CD109: variants seen among roughly 807,000 people sequenced by gnomAD.
The protein encoded by CD109 is CD109 antigen.
A neutral mutation model predicts 165.8 loss-of-function variants in CD109; 149 were observed. The observed-to-expected ratio is 0.90, with a 90% CI of 0.79 to 1.03. The LOEUF (loss-of-function observed/expected upper bound fraction) is 1.03, where lower values mean the gene tolerates loss of function less well. CD109 is among the 50% of genes least tolerant of loss of function. CD109 has a pLI of 0.00. For missense variants in CD109, 1,712 were observed against 1,677.8 expected (o/e 1.02, Z -0.36); for synonymous variants, 585 against 592.1 (o/e 0.99, Z 0.18).
rs538237663 is a variant in CD109, at chr6:73,715,952, C to T, written c.248-7299C>T. 2.0e-5 allele frequency among the ~76,000 whole-genome samples: 3 copies of T among 152,246 alleles called. No individual in the cohort carries two copies. In the South Asian group the frequency reaches 6.2e-4, roughly 32 times the overall value. On this transcript the variant is annotated intron_variant, in intron 2 of 32. Transcript: ENST00000287097. ...ACTCTCCCTAGCCTCTGGTAACCAT[C>T]CTTCTACACTCTTATCTCCATTATT...
chr6:73,814,935 G>A (rs772950847), intron 29 of CD109, 46 bp from the exon 30 acceptor site: 1 of 1,402,144 alleles, frequency 7.1e-7, no homozygotes, highest in Non-Finnish European at 9.4e-7. Flanking sequence ...CAAAATGATG[G>A]AAATTTATGT....
At chr6:73,757,189 A>G (rs920301065) in intron 6 of CD109, among the ~76,000 whole-genome samples, 2 of 152,208 alleles carry the variant, frequency 1.3e-5, no homozygotes, top group Non-Finnish European at 2.9e-5. Flanking sequence ...GGATCTTAGT[A>G]TTAGTTATAA....
At chr6:73,787,131 T>C in intron 20 of CD109, 103 bp from the exon 21 acceptor site, 1 of 694,806 alleles carries the variant, frequency 1.4e-6, no homozygotes, top group South Asian at 1.9e-5. Flanking sequence ...TTTTCGCTAG[T>C]CTTGAGCCTC....
At chr6:73,779,453 T>C (rs1192626827) in intron 15 of CD109, among the ~76,000 whole-genome samples, 2 of 152,126 alleles carry the variant, frequency 1.3e-5, no homozygotes, top group Non-Finnish European at 2.9e-5. Context: ...TTTCACTATG[T>C]TGGCCAGGCT....
At chr6:73,684,865 T>A in the CD109 span, among the ~76,000 whole-genome samples, 1 of 151,986 alleles carries the variant, frequency 6.6e-6, no homozygotes, top group South Asian at 2.1e-4. Context: ...TTATTTTTGG[T>A]ACAGACAAAA....
intron 2 of CD109, among the ~76,000 whole-genome samples, chr6:73,708,528 T>G (rs1017422186): frequency 1.3e-5 from 2 of 152,252 alleles, no homozygotes; most frequent in African/African-American, 2.4e-5. Flanking sequence ...ATGGGATGGC[T>G]GGGTCAAATG....
At chr6:73,777,177 T>C (rs9442960) in intron 15 of CD109, among the ~76,000 whole-genome samples, 58,946 of 151,514 alleles carry the variant, frequency 0.39, 11,778 homozygotes, top group African/African-American at 0.47. Flanking sequence ...AGCCTGGTCT[T>C]GAAAACTCTT....
At chr6:73,773,431 TTTTA>T (rs1301752740) in intron 15 of CD109, among the ~76,000 whole-genome samples, 3 of 152,102 alleles carry the variant, frequency 2.0e-5, no homozygotes, top group Admixed American at 2.0e-4. Context: ...TTTAATAAGC[TTTTA>T]TTTAATCCAC....
At chr6:73,791,157 A>ATG (rs1774928910) in intron 22 of CD109, among the ~76,000 whole-genome samples, 1 of 34,192 alleles carries the variant, frequency 2.9e-5, no homozygotes, top group Non-Finnish European at 5.3e-5. Flanking sequence ...ATATATATAT[A>ATG]TATATATATA....
At chr6:73,699,246 C>T (rs1770968543) in intron 2 of CD109, among the ~76,000 whole-genome samples, 1 of 152,066 alleles carries the variant, frequency 6.6e-6, no homozygotes, top group African/African-American at 2.4e-5. Flanking sequence ...TAAAAAACCA[C>T]CTATTGGGTA....
At chr6:73,794,191 C>T (rs1171506795) in intron 23 of CD109, among the ~76,000 whole-genome samples, 4 of 151,726 alleles carry the variant, frequency 2.6e-5, no homozygotes, top group African/African-American at 9.7e-5. Flanking sequence ...AGCAGGTGTC[C>T]TATTATTATT....
intron 30 of CD109, among the ~76,000 whole-genome samples, 169 bp downstream of exon 30, chr6:73,815,292 A>G (rs891713810): frequency 6.6e-6 from 1 of 152,204 alleles, no homozygotes. Flanking sequence ...ATATTCAAGC[A>G]TTTATTAGAT....
the CD109 span, among the ~76,000 whole-genome samples, chr6:73,684,268 G>A: frequency 6.8e-6 from 1 of 148,120 alleles, no homozygotes; most frequent in South Asian, 2.1e-4. Context: ...CACCCAGGCT[G>A]GAGTGCAGTG....
Position 73,725,504 on chromosome 6 carries a change from C to CTTTTTTTTTTTTTT in CD109, c.276+2233_276+2246dup, listed in dbSNP as rs386407559. Among the ~76,000 whole-genome samples, 103 of 89,394 alleles carry CTTTTTTTTTTTTTT rather than the reference C, an allele frequency of 1.2e-3. 3 individuals carry two copies. Among genetic ancestry groups the CTTTTTTTTTTTTTT allele is most frequent in the Middle Eastern group, 7.4e-3 (1 of 136 alleles). 58.6% of individuals were successfully genotyped at this position (89,394 alleles called of 152,430 possible). A position where few individuals can be genotyped will look rare whatever the true frequency, so the allele number is the denominator to read the frequency against. ...AACTAGAAATTTGTCTACTACACTT[C>CTTTTTTTTTTTTTT]TTTTTTTTTTTTTTTTTTTTTGAGA... is the stretch of plus-strand genomic sequence containing the variant. On this transcript the variant is annotated intron_variant, in intron 3 of 32. Coordinates refer to ENST00000287097, the MANE Select transcript of CD109 (RefSeq NM_133493.5).
intron 16 of CD109, among the ~76,000 whole-genome samples, chr6:73,780,971 C>T (rs7776411): frequency 0.38 from 55,061 of 143,148 alleles, 11,165 homozygotes; most frequent in African/African-American, 0.47. Context: ...TGTGTATGTG[C>T]GTGTGTGTGT....
intron 23 of CD109, among the ~76,000 whole-genome samples, chr6:73,801,600 G>A (rs1775362570): frequency 1.3e-5 from 2 of 151,982 alleles, no homozygotes; most frequent in Non-Finnish European, 2.9e-5. Context: ...TTAAATCTAG[G>A]GTTTCTTTTG....
At chr6:73,810,880 T>C in intron 27 of CD109, 112 bp from the exon 28 acceptor site, 10 of 1,042,456 alleles carry the variant, frequency 9.6e-6, no homozygotes, top group Non-Finnish European at 1.4e-5. Flanking sequence ...TCAGGGAGCA[T>C]TCCACTCTGA....
chr6:73,817,275 A>G (rs550885659), intron 30 of CD109, among the ~76,000 whole-genome samples: 9 of 152,332 alleles, frequency 5.9e-5, no homozygotes, highest in Admixed American at 1.3e-4. Context: ...ATGTACTGAA[A>G]GTATAATCTG....
intron 23 of CD109, among the ~76,000 whole-genome samples, chr6:73,798,527 G>T (rs1408934089): frequency 3.3e-5 from 5 of 152,064 alleles, no homozygotes; most frequent in Admixed American, 2.0e-4. Flanking sequence ...AAACCTCACA[G>T]GACACTCCCA....
Sources: allele counts gnomAD v4.1 joint callset (sites outside exome capture counted in the v4.1 genomes callset), GRCh38; gene constraint gnomAD v4.1.1; transcripts MANE v1.5; gene names NCBI Gene and HGNC (gene_info 2026-07-23, HGNC 2026-07-21).